Variants in CARS2 observed in about 807,000 individuals in gnomAD.
CARS2 encodes cysteinyl-tRNA synthetase 2, mitochondrial, also known as probable cysteine--tRNA ligase, mitochondrial.
CARS2 carries 52 observed loss-of-function variants against 68.8 expected under a neutral mutation model. The observed-to-expected ratio is 0.76, with a 90% confidence interval of 0.61 to 0.95. CARS2 has a LOEUF of 0.95. Among genes scored for constraint, CARS2 ranks in the 40% least tolerant of loss-of-function variants. The pLI is 0.00. For synonymous variants in CARS2, 314 were observed against 303.6 expected (o/e 1.03, Z -0.36); for missense variants, 780 against 754.2 (o/e 1.03, Z -0.40).
chr13:110,713,265 C>T (rs1177899390), exon 1 of CARS2: 4 of 1,327,386 alleles, frequency 3.0e-6, no homozygotes, highest in African/African-American at 3.0e-5. Flanking sequence ...GACGAAGAGT[C>T]AGGGGCTGAG....
chr13:110,712,473 C>A (rs1566374763), intron 1 of CARS2: 2 of 199,448 alleles, frequency 1.0e-5, no homozygotes, highest in Non-Finnish European at 2.0e-5. Flanking sequence ...GAGAGCCAGG[C>A]GGGAAGTGCA....
rs1337650312 is a variant in CARS2 at position 110,668,281 on chromosome 13, C to T, written c.786-808G>A. 3.3e-5 allele frequency among the ~76,000 whole-genome samples: 5 copies of T among 152,114 alleles called. No homozygotes were observed. Among genetic ancestry groups the T allele is most frequent in the East Asian group, 3.9e-4 (2 of 5,172 alleles). On this transcript the variant is annotated intron_variant, in intron 7 of 14. Transcript: ENST00000257347. This position sits in a 1 kb window ranked among gnomAD's most constrained non-coding sequence, Gnocchi z 4.1. ...CATCTTAGCCGGGCGCGGTGGCTCA[C>T]GCCTGTAAACACAGCACTTTGGGAG...
At chr13:110,691,999 AAAAAAT>A (rs1566333441) in intron 3 of CARS2, among the ~76,000 whole-genome samples, 1 of 78,660 alleles carries the variant, frequency 1.3e-5, no homozygotes, top group African/African-American at 4.4e-5. Context: ...AAAAAAAAAA[AAAAAAT>A]ATATATATAT....
Position 110,653,365 on chromosome 13 carries a change from A to C in CARS2, c.988-2265T>G, listed in dbSNP as rs567834307. ...TTACTCCTGGGTCCTCTAATTCGCA[A>C]CTCGCAGGCTTACTTGACACCCTCC... On this transcript the variant is annotated intron_variant, in intron 9 of 14. Transcript: ENST00000257347. The surrounding 1 kb of genome is among the most constrained non-coding windows in gnomAD (Gnocchi z 5.6). Among the ~76,000 whole-genome samples the C allele has an allele frequency of 4.6e-5, 7 of 151,860 alleles. No homozygotes were observed. Among genetic ancestry groups the C allele is most frequent in the Admixed American group, 3.9e-4 (6 of 15,240 alleles).
At chr13:110,692,298 C>T (rs775736581) in intron 3 of CARS2, among the ~76,000 whole-genome samples, 48 of 151,424 alleles carry the variant, frequency 3.2e-4, no homozygotes, top group Non-Finnish European at 6.2e-4. Context: ...GGAGAAACCC[C>T]GTCTCTACTA....
intron 12 of CARS2, chr13:110,645,628 T>G: frequency 9.4e-6 from 2 of 213,198 alleles, no homozygotes; most frequent in Non-Finnish European, 9.2e-6. Flanking sequence ...GGTCTTTCCT[T>G]AAAAAGTTCC....
In CARS2 at chr13:110,644,069, CCTGTGA is replaced by C. The variant is rs554540558; in HGVS notation, c.1416+310_1416+315del. On this transcript the variant is annotated intron_variant, in intron 13 of 14. Coordinates refer to ENST00000257347, the MANE Select transcript of CARS2 (RefSeq NM_024537.4). ...CAGGAAAAAATGTTCTCTTACTGTG[CCTGTGA>C]CTTCTGCACATTCTGAGAGTCTTTG... 2,837 of 1,283,802 alleles carry C rather than the reference CCTGTGA, an allele frequency of 2.2e-3. 6 individuals are homozygous for C. Among genetic ancestry groups the C allele is most frequent in the South Asian group, 4.0e-3 (313 of 79,070 alleles). The allele number at this position is 1,283,802 out of a possible 1,614,324, so 79.5% of individuals were successfully genotyped here. A position where few individuals can be genotyped will look rare whatever the true frequency, so the allele number is the denominator to read the frequency against.
intron 9 of CARS2, among the ~76,000 whole-genome samples, chr13:110,662,412 G>A (rs572436756): frequency 3.3e-5 from 5 of 152,242 alleles, no homozygotes; most frequent in East Asian, 1.9e-4. Flanking sequence ...CCCCCTCTGC[G>A]TCATGCAACC....
At chr13:110,657,248 G>C (rs2062394310) in intron 9 of CARS2, among the ~76,000 whole-genome samples, 1 of 152,202 alleles carries the variant, frequency 6.6e-6, no homozygotes, top group Non-Finnish European at 1.5e-5. Context: ...AATCTATTTT[G>C]TATGTGCAGG....
chr13:110,647,912 C>G (rs370937110), intron 10 of CARS2, among the ~76,000 whole-genome samples: 1 of 152,248 alleles, frequency 6.6e-6, no homozygotes, highest in African/African-American at 2.4e-5. Context: ...AGAACCTTCT[C>G]GTGCCTACTC....
chr13:110,644,656 T>A, intron 12 of CARS2, 173 bp from the exon 13 acceptor site: 1 of 1,133,550 alleles, frequency 8.8e-7, no homozygotes, highest in Non-Finnish European at 1.2e-6. Flanking sequence ...CTGCAGACCA[T>A]ACAACTATAG....
Position 110,676,551 on chromosome 13 carries a change from G to A in CARS2, c.785+423C>T, listed in dbSNP as rs1341208642. Among the ~76,000 whole-genome samples, 4 of 152,138 alleles carry A rather than the reference G, an allele frequency of 2.6e-5. No individual in the cohort carries two copies. Among genetic ancestry groups the A allele is most frequent in the Admixed American group, 6.5e-5 (1 of 15,280 alleles). On this transcript the variant is annotated intron_variant, in intron 7 of 14. Transcript: ENST00000257347. This position sits in a 1 kb window ranked among gnomAD's most constrained non-coding sequence, Gnocchi z 4.0. Reference sequence around the variant, plus strand: ...GATCTGGGAGGAGCTGGAGATTTCCGCCACAGAGCACCCTGGCATGCGAGT... The same window carrying A: ...GATCTGGGAGGAGCTGGAGATTTCCACCACAGAGCACCCTGGCATGCGAGT...
intron 6 of CARS2, among the ~76,000 whole-genome samples, chr13:110,681,711 GT>G (rs2063161766): frequency 6.6e-6 from 1 of 152,202 alleles, no homozygotes; most frequent in Non-Finnish European, 1.5e-5. Context: ...TTAAGCTGCT[GT>G]AAATTCAGAC....
chr13:110,661,089 A>AT (rs980779642), intron 9 of CARS2, among the ~76,000 whole-genome samples: 58 of 152,222 alleles, frequency 3.8e-4, no homozygotes, highest in African/African-American at 1.3e-3. Flanking sequence ...GGGCCCTAGG[A>AT]TTTTTTGAAT....
intron 12 of CARS2, chr13:110,645,766 G>A: frequency 3.6e-6 from 2 of 560,456 alleles, no homozygotes; most frequent in Non-Finnish European, 5.9e-6. Flanking sequence ...AGGTGGCCCT[G>A]AGGCCCGGGA....
At chr13:110,652,547 G>A (rs2062245393) in intron 9 of CARS2, among the ~76,000 whole-genome samples, 1 of 152,240 alleles carries the variant, frequency 6.6e-6, no homozygotes. Context: ...TGAGCTGGAA[G>A]GAGGAGGACA....
At position 110,713,249 on chromosome 13, in the gene CARS2, G is replaced by T. The variant is rs1013936990; in HGVS notation, n.287C>A. On this transcript the variant is annotated non_coding_transcript_exon_variant, in exon 1 of 3. Transcript: ENST00000485188. ...GGGCCCTACTTATACTGCTCTGTGG[G>T]GCGGGGACGAAGAGTCAGGGGCTGA... The T allele has an allele frequency of 5.9e-6, 8 of 1,350,618 alleles. No individual in the cohort carries two copies. In the African/African-American group the frequency reaches 7.4e-5, roughly 12 times the overall value. The allele number at this position is 1,350,618 out of a possible 1,614,324, so 83.7% of individuals were successfully genotyped here. A position where few individuals can be genotyped will look rare whatever the true frequency, so the allele number is the denominator to read the frequency against.
At chr13:110,702,941 T>C (rs2063832034) in intron 2 of CARS2, among the ~76,000 whole-genome samples, 1 of 152,158 alleles carries the variant, frequency 6.6e-6, no homozygotes, top group Non-Finnish European at 1.5e-5. Flanking sequence ...GCTGAAATGA[T>C]TCATTTGCTA....
chr13:110,644,477 C>G lies in CARS2; in HGVS notation c.1324G>C (p.Glu442Gln), dbSNP rs761022161. 102 of 1,614,038 alleles carry G rather than the reference C, an allele frequency of 6.3e-5. No homozygotes were observed. The East Asian group carries it at 2.3e-3, about 36-fold the overall frequency. ...AACACAGCAGGACTTCTCGGCCCTTCAGGTTCCTGTAAGAGATCATGTCGC... is the reference window on the plus strand; with the variant it reads ...AACACAGCAGGACTTCTCGGCCCTTGAGGTTCCTGTAAGAGATCATGTCGC... Reference protein sequence around the residue: ...GQLRASLKEPEGPRSPAVFGA... With the variant: ...GQLRASLKEPQGPRSPAVFGA... Residue 442 changes from glutamate to glutamine, a missense_variant, in exon 13 of 15, where the codon GAA becomes CAA. By Grantham distance (29) the Glu-to-Gln change is conservative (BLOSUM62 2). Transcript: ENST00000257347.
Sources: allele counts gnomAD v4.1 joint callset (sites outside exome capture counted in the v4.1 genomes callset), GRCh38; gene constraint gnomAD v4.1.1; non-coding constraint Gnocchi (gnomAD v3.1); transcripts MANE v1.5; gene names NCBI Gene and HGNC (gene_info 2026-07-23, HGNC 2026-07-21).